FRMPD4: variants seen among roughly 807,000 people sequenced by gnomAD.
The protein encoded by FRMPD4 is FERM and PDZ domain containing 4.
A neutral mutation model predicts 94.1 loss-of-function variants in FRMPD4; 22 were observed. That is an observed-to-expected ratio of 0.23 (90% CI 0.17 to 0.33). The LOEUF is 0.33. Among genes scored for constraint, FRMPD4 ranks in the 10% least tolerant of loss-of-function variants. The pLI is 1.00. For synonymous variants in FRMPD4, 631 were observed against 548.6 expected, an observed-to-expected ratio of 1.15 and a Z score of -2.10; for missense variants, 1,111 against 1,339.9, an observed-to-expected ratio of 0.83 and a Z score of 2.67.
intron 2 of FRMPD4, among the ~76,000 whole-genome samples, chrX:12,502,257 CTA>C (rs1301882209): frequency 7.1e-5 from 8 of 112,305 alleles, no homozygotes; most frequent in Non-Finnish European, 1.1e-4. Context: ...GAGACTCAGC[CTA>C]TGAGAAGGAA....
At chrX:12,682,955 A>C (rs2059987156) in intron 5 of FRMPD4, among the ~76,000 whole-genome samples, 1 of 112,217 alleles carries the variant, frequency 8.9e-6, no homozygotes, top group Non-Finnish European at 1.9e-5. Context: ...TGCATAAGGC[A>C]TGAGTGCTTG....
intron 2 of FRMPD4, among the ~76,000 whole-genome samples, chrX:12,516,198 A>G (rs2058094217): frequency 9.0e-6 from 1 of 111,702 alleles, no homozygotes; most frequent in Non-Finnish European, 1.9e-5. Flanking sequence ...GGCCATTTAC[A>G]TTTAAGGTTA....
At chrX:11,907,110 ATAAT>A (rs1231832315) in intron 3 of FRMPD4, among the ~76,000 whole-genome samples, 2 of 110,925 alleles carry the variant, frequency 1.8e-5, no homozygotes, top group African/African-American at 6.5e-5. Context: ...TAAGCATCTA[ATAAT>A]TAATGTTTAT....
chrX:12,113,235 G>A (rs1311656244), intron 3 of FRMPD4, among the ~76,000 whole-genome samples: 1 of 111,969 alleles, frequency 8.9e-6, no homozygotes, highest in Non-Finnish European at 1.9e-5. Context: ...TGAACTCTTC[G>A]ATTAAACTAA....
At chrX:12,697,736 T>C (rs757606783) in intron 9 of FRMPD4, among the ~76,000 whole-genome samples, 1 of 112,217 alleles carries the variant, frequency 8.9e-6, no homozygotes, top group African/African-American at 3.2e-5. Flanking sequence ...TCTGGAAATC[T>C]TGCCCAGGGA....
intron 4 of FRMPD4, among the ~76,000 whole-genome samples, chrX:12,618,008 A>G (rs765056362): frequency 8.9e-6 from 1 of 111,843 alleles, no homozygotes; most frequent in South Asian, 3.8e-4. Flanking sequence ...GCTGCACTGA[A>G]ATTAGATGAA....
intron 1 of FRMPD4, among the ~76,000 whole-genome samples, chrX:11,858,689 C>T (rs2053667561): frequency 9.0e-6 from 1 of 111,013 alleles, no homozygotes; most frequent in Non-Finnish European, 1.9e-5. Context: ...ACACTTGTAC[C>T]CCTGAACTTA....
rs769726392 is a variant in FRMPD4 at position 12,415,218 on chromosome X, G to C, written c.42-83462G>C. ...TGTCTCCCTTTGGAATCATCGTGGA[G>C]GCACATAAATCCTGAGACTAAGAGG... On this transcript the variant is annotated intron_variant, in intron 1 of 16. Coordinates refer to ENST00000675598, the MANE Select transcript of FRMPD4 (RefSeq NM_001368397.1). 2.0e-3 allele frequency among the ~76,000 whole-genome samples: 223 copies of C among 111,738 alleles called. 2 individuals carry two copies. Among genetic ancestry groups the C allele is most frequent in the African/African-American group, 7.0e-3 (216 of 30,820 alleles).
intron 1 of FRMPD4, among the ~76,000 whole-genome samples, chrX:12,438,450 A>G (rs926513413): frequency 1.8e-5 from 2 of 108,675 alleles, no homozygotes; most frequent in East Asian, 2.8e-4. Context: ...GTGTTGGGGG[A>G]AAATTGAATG....
intron 4 of FRMPD4, among the ~76,000 whole-genome samples, chrX:12,641,105 G>A (rs769512272): frequency 9.0e-6 from 1 of 111,372 alleles, no homozygotes; most frequent in Non-Finnish European, 1.9e-5. Context: ...ATTGTCTTAG[G>A]TTGGACTCCC....
At chrX:12,319,093 T>G (rs1001922078) in intron 1 of FRMPD4, among the ~76,000 whole-genome samples, 5 of 111,587 alleles carry the variant, frequency 4.5e-5, no homozygotes, top group African/African-American at 1.6e-4. Flanking sequence ...GTGTCCCTTG[T>G]CCCTTCATTG....
intron 1 of FRMPD4, among the ~76,000 whole-genome samples, chrX:12,266,348 T>C (rs970377382): frequency 2.7e-5 from 3 of 110,830 alleles, no homozygotes; most frequent in Admixed American, 1.9e-4. Flanking sequence ...ATAGCATCCA[T>C]TGGGTTTACT....
chrX:11,861,962 T>C (rs752458527), intron 1 of FRMPD4, among the ~76,000 whole-genome samples: 1 of 111,508 alleles, frequency 9.0e-6, no homozygotes, highest in Non-Finnish European at 1.9e-5. Flanking sequence ...ACTTCAATTA[T>C]GGCAGAAGGC....
chrX:12,215,073 A>C (rs1399760788), intron 1 of FRMPD4, among the ~76,000 whole-genome samples: 1 of 112,038 alleles, frequency 8.9e-6, no homozygotes, highest in African/African-American at 3.2e-5. Flanking sequence ...TGAGTTGAAC[A>C]ATATAAAATT....
chrX:12,392,923 C>T (rs757002788), intron 1 of FRMPD4, among the ~76,000 whole-genome samples: 39 of 111,097 alleles, frequency 3.5e-4, no homozygotes, highest in African/African-American at 1.2e-3. Flanking sequence ...GCCAAGATCG[C>T]GCCACTGCAC....
At chrX:12,558,107 A>C (rs2058615759) in intron 2 of FRMPD4, among the ~76,000 whole-genome samples, 1 of 112,336 alleles carries the variant, frequency 8.9e-6, no homozygotes, top group African/African-American at 3.2e-5. Context: ...TCCAATTACA[A>C]ATGTACAGCA....
At chrX:11,858,788 A>T in intron 1 of FRMPD4, among the ~76,000 whole-genome samples, 1 of 111,905 alleles carries the variant, frequency 8.9e-6, no homozygotes, top group Non-Finnish European at 1.9e-5. Flanking sequence ...ATTAAAACTT[A>T]AAAGAATGCT....
intron 2 of FRMPD4, among the ~76,000 whole-genome samples, chrX:12,499,006 G>A (rs1286302459): frequency 9.1e-6 from 1 of 110,025 alleles, no homozygotes; most frequent in East Asian, 2.8e-4. Flanking sequence ...TTGTGATGTT[G>A]GGTTGCTTCA....
intron 1 of FRMPD4, among the ~76,000 whole-genome samples, chrX:12,290,165 T>C (rs2147874324): frequency 9.0e-6 from 1 of 111,560 alleles, no homozygotes; most frequent in Admixed American, 9.5e-5. Flanking sequence ...ATTTCTGTGT[T>C]AGGATTAGCA....
Sources: allele counts gnomAD v4.1 joint callset (sites outside exome capture counted in the v4.1 genomes callset), GRCh38; gene constraint gnomAD v4.1.1; transcripts MANE v1.5; gene names NCBI Gene and HGNC (gene_info 2026-07-23, HGNC 2026-07-21).